The following FRAS1 variants were observed in gnomAD, a reference collection of about 807,000 sequenced individuals.
The protein encoded by FRAS1 is extracellular matrix organizing protein FRAS1.
A neutral mutation model predicts 435.2 loss-of-function variants in FRAS1; 290 were observed. The ratio of observed to expected loss-of-function variants is 0.67; its 90% CI spans 0.61 to 0.73. The LOEUF is 0.73. Among genes scored for constraint, FRAS1 ranks in the 30% least tolerant of loss-of-function variants. The pLI, the probability that FRAS1 is intolerant of heterozygous loss-of-function variation, is 0.00. For synonymous variants in FRAS1, 1,800 were observed against 1,851.0 expected, an observed-to-expected ratio of 0.97 and a Z score of 0.71; for missense variants, 4,860 against 5,001.5, an observed-to-expected ratio of 0.97 and a Z score of 0.85.
At chr4:78,372,670 T>G (rs1273980438) in intron 23 of FRAS1, 48 bp from the exon 24 acceptor site, 1 of 1,606,904 alleles carries the variant, frequency 6.2e-7, no homozygotes, top group Non-Finnish European at 8.5e-7. Flanking sequence ...CTGCTGGGTC[T>G]GAGGGTGGAC....
At chr4:78,420,791 C>A (rs1733748374) in intron 33 of FRAS1, among the ~76,000 whole-genome samples, 2 of 149,838 alleles carry the variant, frequency 1.3e-5, no homozygotes, top group Admixed American at 1.3e-4. Flanking sequence ...TGGTAAATTA[C>A]CTGGTCTAGG....
chr4:78,462,497 G>A (rs1719401295), intron 47 of FRAS1, among the ~76,000 whole-genome samples: 1 of 152,136 alleles, frequency 6.6e-6, no homozygotes, highest in Non-Finnish European at 1.5e-5. Context: ...CAAGAGGAAG[G>A]CAAAATCTAT....
At chr4:78,291,894 A>G (rs1484280374) in intron 14 of FRAS1, among the ~76,000 whole-genome samples, 5 of 152,212 alleles carry the variant, frequency 3.3e-5, no homozygotes, top group Non-Finnish European at 2.9e-5. Flanking sequence ...TATAAGGGAT[A>G]GGATTATTTT....
chr4:78,278,796 T>A, intron 10 of FRAS1, 52 bp downstream of exon 10: 1 of 1,053,142 alleles, frequency 9.5e-7, no homozygotes, highest in Non-Finnish European at 1.5e-6. Context: ...TCAAAATTAA[T>A]CTAATGAGGG....
chr4:78,511,189 C>A, intron 63 of FRAS1, 85 bp from the exon 64 acceptor site: 2 of 1,089,346 alleles, frequency 1.8e-6, no homozygotes, highest in South Asian at 1.6e-5. Flanking sequence ...GATGGATGAT[C>A]TTTACAGATT....
rs1721650400 is a variant in FRAS1 at position 78,529,595 on chromosome 4, A to T, written c.10925+2938A>T. Among the ~76,000 whole-genome samples the T allele has an allele frequency of 3.3e-5, 5 of 152,320 alleles. 1 individual carries two copies. In the South Asian group the frequency reaches 1.0e-3, roughly 32 times the overall value. ...TTTTGCAAGTTTTTGAACTCTAGACAGTAGTCCCCCCTTATCCTTGGAGTA... is the reference window on the plus strand; with the variant it reads ...TTTTGCAAGTTTTTGAACTCTAGACTGTAGTCCCCCCTTATCCTTGGAGTA... On this transcript the variant is annotated intron_variant, in intron 70 of 73. Transcript: ENST00000512123.
chr4:78,521,665 T>C, intron 68 of FRAS1, 35 bp downstream of exon 68: 1 of 1,303,506 alleles, frequency 7.7e-7, no homozygotes, highest in Non-Finnish European at 1.1e-6. Flanking sequence ...TCCAACTTTT[T>C]ATTAAGAAAC....
intron 1 of FRAS1, among the ~76,000 whole-genome samples, chr4:78,065,013 G>A (rs1739938856): frequency 6.8e-6 from 1 of 147,010 alleles, no homozygotes; most frequent in Non-Finnish European, 1.5e-5. Context: ...AATTGGTTGG[G>A]AATGTGTCTA....
At chr4:78,319,917 A>AG (rs1729431787) in intron 18 of FRAS1, among the ~76,000 whole-genome samples, 1 of 152,246 alleles carries the variant, frequency 6.6e-6, no homozygotes, top group Admixed American at 6.5e-5. Context: ...GCAGAGGCCC[A>AG]GGGCCAGACA....
chr4:78,278,908 G>A (rs1211666030), intron 10 of FRAS1, among the ~76,000 whole-genome samples, 164 bp downstream of exon 10: 1 of 152,162 alleles, frequency 6.6e-6, no homozygotes, highest in Admixed American at 6.5e-5. Context: ...GAATACAACA[G>A]GCAGAGTTCC....
chr4:78,269,023 A>G (rs963937917), intron 9 of FRAS1, among the ~76,000 whole-genome samples: 2 of 152,218 alleles, frequency 1.3e-5, no homozygotes, highest in African/African-American at 4.8e-5. Context: ...AGTTTTGTTT[A>G]AAGCCCTGGG....
At chr4:78,156,098 G>A (rs1379154879) in intron 2 of FRAS1, among the ~76,000 whole-genome samples, 5 of 152,182 alleles carry the variant, frequency 3.3e-5, no homozygotes, top group Admixed American at 1.3e-4. Context: ...TGGGCTCTTA[G>A]ACACTTAGTC....
At chr4:78,094,617 A>G (rs1245337380) in intron 2 of FRAS1, among the ~76,000 whole-genome samples, 3 of 152,138 alleles carry the variant, frequency 2.0e-5, no homozygotes, top group African/African-American at 7.2e-5. Flanking sequence ...TTCTGAGTTG[A>G]GAGCTGACCT....
intron 2 of FRAS1, among the ~76,000 whole-genome samples, chr4:78,140,770 C>T (rs973341399): frequency 7.1e-5 from 9 of 126,292 alleles, no homozygotes; most frequent in East Asian, 4.1e-4. Flanking sequence ...TATGTATATA[C>T]GTGTGTGTAT....
chr4:78,447,644 G>A (rs1321125531), intron 43 of FRAS1, among the ~76,000 whole-genome samples: 1 of 152,082 alleles, frequency 6.6e-6, no homozygotes, highest in Non-Finnish European at 1.5e-5. Flanking sequence ...TAATTGAAAA[G>A]GAATTTAAAG....
chr4:78,429,025 C>A, intron 35 of FRAS1, 70 bp from the exon 36 acceptor site: 1 of 1,428,074 alleles, frequency 7.0e-7, no homozygotes. Context: ...CAAGTTGATT[C>A]GTGTGTGTGT....
intron 14 of FRAS1, among the ~76,000 whole-genome samples, chr4:78,294,527 C>T (rs1463345624): frequency 6.6e-6 from 1 of 152,138 alleles, no homozygotes; most frequent in East Asian, 1.9e-4. Context: ...ATAACTTTAC[C>T]AGATACTCCT....
chr4:78,522,598 C>T, intron 68 of FRAS1, 51 bp from the exon 69 acceptor site: 1 of 1,475,078 alleles, frequency 6.8e-7, no homozygotes, highest in Non-Finnish European at 9.2e-7. Flanking sequence ...TACAGTCAAA[C>T]TAAAGCTCTA....
chr4:78,085,376 A>G (rs1018728740), intron 2 of FRAS1, among the ~76,000 whole-genome samples: 1 of 152,146 alleles, frequency 6.6e-6, no homozygotes, highest in African/African-American at 2.4e-5. Flanking sequence ...CAATCAGTGA[A>G]ACATGGTCTT....
Sources: gnomAD v4.1 joint callset for allele counts (sites outside exome capture counted in the v4.1 genomes callset) on GRCh38, gnomAD v4.1.1 for gene constraint, MANE v1.5 for transcripts, NCBI Gene and HGNC (gene_info 2026-07-23, HGNC 2026-07-21) for gene names.